PLA2G12B: variants seen among roughly 807,000 people sequenced by gnomAD.
The protein encoded by PLA2G12B is group XIIB secretory phospholipase A2-like protein.
PLA2G12B carries 19 observed loss-of-function variants against 22.3 expected under a neutral mutation model. The observed-to-expected ratio is 0.85, with a 90% CI of 0.60 to 1.25. The LOEUF is 1.25. PLA2G12B is among the 50% of genes most tolerant of loss of function. The pLI is 0.00. For synonymous variants in PLA2G12B, 81 were observed against 94.9 expected (o/e 0.85, Z 0.85); for missense variants, 191 against 246.6 (o/e 0.77, Z 1.51).
At chr10:72,945,667 A>G (rs1382815200) in intron 1 of PLA2G12B, among the ~76,000 whole-genome samples, 1 of 149,402 alleles carries the variant, frequency 6.7e-6, no homozygotes, top group South Asian at 2.1e-4. Context: ...TTTTTTTTTC[A>G]GATGGAATCT....
At chr10:72,937,686 C>T (rs1031587028) in intron 3 of PLA2G12B, among the ~76,000 whole-genome samples, 4 of 152,094 alleles carry the variant, frequency 2.6e-5, no homozygotes, top group Non-Finnish European at 5.9e-5. Flanking sequence ...AAAAGGTTTA[C>T]ATCATGACTA....
chr10:72,942,819 T>C, intron 1 of PLA2G12B, 79 bp from the exon 2 acceptor site: 1 of 1,300,560 alleles, frequency 7.7e-7, no homozygotes, highest in Non-Finnish European at 1.1e-6. Flanking sequence ...CAAATGAAAA[T>C]TTTCTAAAAG....
At chr10:72,939,800 AG>A (rs1247113422) in intron 3 of PLA2G12B, among the ~76,000 whole-genome samples, 5 of 152,252 alleles carry the variant, frequency 3.3e-5, no homozygotes, top group African/African-American at 1.2e-4. Flanking sequence ...TGAATCAGAA[AG>A]GGCCATGTAT....
chr10:72,952,308 G>A (rs1247247565), intron 1 of PLA2G12B, among the ~76,000 whole-genome samples: 1 of 152,222 alleles, frequency 6.6e-6, no homozygotes, highest in Non-Finnish European at 1.5e-5. Flanking sequence ...GCCTGGGCAA[G>A]ATGGTGAGAC....
chr10:72,941,380 G>C, intron 2 of PLA2G12B, 46 bp from the exon 3 acceptor site: 2 of 1,576,792 alleles, frequency 1.3e-6, no homozygotes, highest in Non-Finnish European at 1.7e-6. Context: ...GAAATGCCAC[G>C]TTTAGACTAA....
rs370846696 is a variant in PLA2G12B at position 72,941,346 on chromosome 10, T to C, written c.301-12A>G. On this transcript the variant is annotated splice_polypyrimidine_tract_variant and intron_variant, in intron 2 of 3. Transcript: ENST00000373032. ...ATGCCCAAGTCCATCTGGGGAAAAG[T>C]GAAGGAAGGGAAAAGAAGGGGAAGA... 4.0e-5 allele frequency: 64 copies of C among 1,610,660 alleles called. No homozygotes were observed. The African/African-American group carries it at 6.3e-4, about 16-fold the overall frequency.
intron 1 of PLA2G12B, among the ~76,000 whole-genome samples, chr10:72,946,662 A>G (rs1038460683): frequency 6.6e-6 from 1 of 152,120 alleles, no homozygotes; most frequent in Non-Finnish European, 1.5e-5. Flanking sequence ...GTTTCACAGT[A>G]GTTTTGACTT....
At chr10:72,952,290 G>C (rs938960820) in intron 1 of PLA2G12B, among the ~76,000 whole-genome samples, 2 of 152,194 alleles carry the variant, frequency 1.3e-5, no homozygotes, top group Non-Finnish European at 2.9e-5. Flanking sequence ...CCCTGGAGTT[G>C]GAGACCAGCC....
chr10:72,943,134 T>C (rs1216369349), intron 1 of PLA2G12B, among the ~76,000 whole-genome samples: 1 of 152,042 alleles, frequency 6.6e-6, no homozygotes, highest in Non-Finnish European at 1.5e-5. Flanking sequence ...CCCAGCTAAT[T>C]TTTGTATTTT....
At chr10:72,950,698 T>C (rs944550886) in intron 1 of PLA2G12B, among the ~76,000 whole-genome samples, 6 of 152,170 alleles carry the variant, frequency 3.9e-5, no homozygotes, top group African/African-American at 1.4e-4. Flanking sequence ...CAGGCTAGTC[T>C]CAAACTCCTG....
chr10:72,938,685 C>T (rs1451033074), intron 3 of PLA2G12B, among the ~76,000 whole-genome samples: 1 of 152,074 alleles, frequency 6.6e-6, no homozygotes, highest in African/African-American at 2.4e-5. Context: ...TTAAAGAAGA[C>T]CTAAATAAAT....
chr10:72,941,750 A>G (rs2132966926), intron 2 of PLA2G12B, among the ~76,000 whole-genome samples: 1 of 152,288 alleles, frequency 6.6e-6, no homozygotes, highest in East Asian at 1.9e-4. Flanking sequence ...GTATAAAAAA[A>G]AATTCAGCCT....
Position 72,954,680 on chromosome 10 carries a change from C to T in PLA2G12B, c.6G>A (p.Lys2=). 9 of 1,613,934 alleles carry T rather than the reference C, an allele frequency of 5.6e-6. No homozygotes were observed. The highest frequency in any genetic ancestry group is 7.6e-6 in the Non-Finnish European group (9 of 1,179,986). The change falls in exon 1 of 4, where the codon AAG becomes AAA. Residue 2 remains lysine (K), a synonymous_variant. Coordinates refer to ENST00000373032, the MANE Select transcript of PLA2G12B (RefSeq NM_032562.5). M[K]LASGFLVLWL... ...ACAAAACCAAGAAGCCACTGGCCAG[C>T]TTCATCCTGCAGCCAGGTAGGTACT...
chr10:72,940,137 T>C (rs1846336443), intron 3 of PLA2G12B, among the ~76,000 whole-genome samples: 2 of 152,178 alleles, frequency 1.3e-5, no homozygotes. Flanking sequence ...TATTCACATT[T>C]CTAAGCCCTC....
intron 3 of PLA2G12B, among the ~76,000 whole-genome samples, chr10:72,939,282 G>A (rs1322696871): frequency 1.3e-5 from 2 of 152,206 alleles, no homozygotes; most frequent in Non-Finnish European, 2.9e-5. Context: ...TGATTAGGGC[G>A]TTTCACACAG....
Position 72,954,780 on chromosome 10 carries a change from C to T in PLA2G12B, c.-95G>A. The T allele has an allele frequency of 7.8e-7, 1 of 1,284,012 alleles. No individual in the cohort carries two copies. The highest frequency in any genetic ancestry group is 2.4e-5 in the East Asian group (1 of 41,492). 79.5% of individuals were successfully genotyped at this position (1,284,012 alleles called of 1,614,324 possible). The stretch of plus-strand genomic sequence containing the variant: ...CCCCCTACCCAGATGTCAGGCAGGA[C>T]TGGGAAAGGGATTATCTGGAACATT... On this transcript the variant is annotated 5_prime_UTR_variant, in exon 1 of 4. Coordinates refer to ENST00000373032, the MANE Select transcript of PLA2G12B (RefSeq NM_032562.5).
At chr10:72,948,836 A>G (rs1334685619) in intron 1 of PLA2G12B, among the ~76,000 whole-genome samples, 3 of 152,258 alleles carry the variant, frequency 2.0e-5, no homozygotes, top group African/African-American at 7.2e-5. Flanking sequence ...GCTTCTGAAT[A>G]AAGTGAAATA....
rs182401180 is a variant in PLA2G12B at position 72,945,364 on chromosome 10, C to T, written c.212-2624G>A. Among the ~76,000 whole-genome samples the T allele has an allele frequency of 4.8e-4, 73 of 152,284 alleles. 1 individual carries two copies. The highest frequency in any genetic ancestry group is 1.7e-3 in the African/African-American group (70 of 41,566). ...ACTCTAGGGGAAGTTATGTCATGAACAGTCCCATAGAAAGACCCATGCGGC... is the reference window on the plus strand; with the variant it reads ...ACTCTAGGGGAAGTTATGTCATGAATAGTCCCATAGAAAGACCCATGCGGC... On this transcript the variant is annotated intron_variant, in intron 1 of 3. Transcript: ENST00000373032.
intron 3 of PLA2G12B, among the ~76,000 whole-genome samples, chr10:72,936,028 A>G (rs1022946853): frequency 6.6e-6 from 1 of 151,890 alleles, no homozygotes; most frequent in African/African-American, 2.4e-5. Context: ...TTTGCAGAAG[A>G]CTCCCTCACA....
Sources: gnomAD v4.1 joint callset for allele counts (sites outside exome capture counted in the v4.1 genomes callset) on GRCh38, gnomAD v4.1.1 for gene constraint, MANE v1.5 for transcripts, NCBI Gene and HGNC (gene_info 2026-07-23, HGNC 2026-07-21) for gene names.